The following SIDT1 variants were observed in gnomAD, a reference collection of about 807,000 sequenced individuals.
SIDT1 encodes SID1 transmembrane family member 1, also known as SID1 transmembrane family, member 1.
A neutral mutation model predicts 107.5 loss-of-function variants in SIDT1; 101 were observed. That is an observed-to-expected ratio of 0.94 (90% CI 0.80 to 1.11). The LOEUF is 1.11. Ranked by LOEUF, SIDT1 falls within the 50% of genes least tolerant of loss-of-function variation. The pLI is 0.00. For missense variants in SIDT1, 1,076 were observed against 1,058.2 expected, an observed-to-expected ratio of 1.02 and a Z score of -0.23; for synonymous variants, 395 against 398.2, an observed-to-expected ratio of 0.99 and a Z score of 0.10.
intron 3 of SIDT1, among the ~76,000 whole-genome samples, chr3:113,571,486 G>GCACACACAGACACACACACA: frequency 6.7e-6 from 1 of 148,950 alleles, no homozygotes; most frequent in East Asian, 2.0e-4. Flanking sequence ...CCTATCCTCT[G>GCACACACAGACACACACACA]CACACACACA....
In SIDT1 at chr3:113,601,326, C is replaced by T. The variant is rs182650613; in HGVS notation, c.1046-262C>T. The T allele has an allele frequency of 5.1e-5, 16 of 316,730 alleles. No homozygotes were observed. The East Asian group carries it at 6.7e-4, about 13-fold the overall frequency. 19.6% of individuals were successfully genotyped at this position (316,730 alleles called of 1,614,324 possible). The stretch of plus-strand genomic sequence containing the variant: ...AATTTGAATTTCGTATCATTTTTAC[C>T]TGTCATGAAACATTATTCTTCTTTG... On this transcript the variant is annotated intron_variant, in intron 10 of 24. Coordinates refer to ENST00000264852, the MANE Select transcript of SIDT1 (RefSeq NM_017699.3).
intron 10 of SIDT1, among the ~76,000 whole-genome samples, chr3:113,601,124 C>A (rs1285674030): frequency 6.6e-6 from 1 of 152,128 alleles, no homozygotes; most frequent in African/African-American, 2.4e-5. Context: ...CAAAACCTGG[C>A]TAAAGGTTTT....
chr3:113,590,015 A>G (rs1944028866), intron 9 of SIDT1: 1 of 152,700 alleles, frequency 6.5e-6, no homozygotes, highest in Non-Finnish European at 1.5e-5. Context: ...GCAATTAATA[A>G]AGAAAATCAT....
Position 113,567,645 on chromosome 3 carries a change from A to T in SIDT1, c.450A>T (p.Ala150=), listed in dbSNP as rs149890423. ...PLQQLIFVDV[A]SMAPLGAQYK... ...AGCAACTGATATTTGTAGATGTCGC[A>T]TCCATGGCACCCCTGGGTGCTCAGT... The change falls in exon 3 of 25, where the codon GCA becomes GCT. Residue 150 remains alanine (A), a synonymous_variant. Transcript: ENST00000264852. 1.2e-4 allele frequency: 200 copies of T among 1,614,128 alleles called. 1 individual carries two copies. In the African/African-American group the frequency reaches 2.4e-3, roughly 19 times the overall value.
In SIDT1 at chr3:113,600,361, A is replaced by C. The variant is rs72952626; in HGVS notation, c.1046-1227A>C. ...AAAAAAATAAGTTCTCACCGAGACC[A>C]ATACAATGAAACACTATCCATCCAC... On this transcript the variant is annotated intron_variant, in intron 10 of 24. Transcript: ENST00000264852. Among the ~76,000 whole-genome samples, 1,482 of 152,130 alleles carry C rather than the reference A, an allele frequency of 9.7e-3. 24 individuals are homozygous for C. The highest frequency in any genetic ancestry group is 0.034 in the African/African-American group (1,412 of 41,484).
intron 14 of SIDT1, 54 bp from the exon 15 acceptor site, chr3:113,606,987 G>T (rs1268646045): frequency 1.8e-6 from 2 of 1,115,682 alleles, no homozygotes; most frequent in African/African-American, 1.5e-5. Context: ...TTCCTGCTGG[G>T]GCTCAGAGGA....
chr3:113,577,341 G>A (rs1378172757), intron 4 of SIDT1, among the ~76,000 whole-genome samples: 1 of 152,194 alleles, frequency 6.6e-6, no homozygotes, highest in Non-Finnish European at 1.5e-5. Context: ...TGATAGCTGG[G>A]AAGTGGTAGT....
chr3:113,608,355 G>C, intron 16 of SIDT1, 64 bp from the exon 17 acceptor site: 1 of 1,532,098 alleles, frequency 6.5e-7, no homozygotes, highest in Non-Finnish European at 9.0e-7. Context: ...TGTGCTTCCA[G>C]ATTAGTGACT....
chr3:113,559,828 C>G (rs555766639), intron 1 of SIDT1, among the ~76,000 whole-genome samples: 14 of 152,188 alleles, frequency 9.2e-5, no homozygotes, highest in African/African-American at 3.4e-4. Flanking sequence ...CTTATATATT[C>G]AAGATACTGA....
intron 1 of SIDT1, among the ~76,000 whole-genome samples, chr3:113,554,623 C>A (rs996668123): frequency 2.0e-5 from 3 of 152,178 alleles, no homozygotes; most frequent in Non-Finnish European, 2.9e-5. Flanking sequence ...ACCATAAGTC[C>A]ATTAAACCTC....
chr3:113,619,885 G>A (rs566503626), intron 21 of SIDT1, 159 bp downstream of exon 21: 15 of 657,968 alleles, frequency 2.3e-5, no homozygotes, highest in Middle Eastern at 4.1e-4. Flanking sequence ...GGACATTCTC[G>A]TGTAGCAATT....
chr3:113,554,521 G>A (rs896061362), intron 1 of SIDT1, among the ~76,000 whole-genome samples: 4 of 152,086 alleles, frequency 2.6e-5, no homozygotes, highest in African/African-American at 9.7e-5. Context: ...CAGTTCCCCT[G>A]TACACGCTCT....
chr3:113,624,233 C>A (rs1193477875), intron 23 of SIDT1, among the ~76,000 whole-genome samples: 1 of 152,216 alleles, frequency 6.6e-6, no homozygotes, highest in Non-Finnish European at 1.5e-5. Flanking sequence ...GGAAAGAAAC[C>A]TCATATGCAT....
intron 9 of SIDT1, among the ~76,000 whole-genome samples, 182 bp downstream of exon 9, chr3:113,585,452 C>T (rs1481177005): frequency 6.6e-6 from 1 of 152,058 alleles, no homozygotes; most frequent in African/African-American, 2.4e-5. Context: ...TTTCCTCATC[C>T]ATAAAGTGAG....
At chr3:113,565,061 G>A (rs1576781776) in intron 1 of SIDT1, among the ~76,000 whole-genome samples, 1 of 152,160 alleles carries the variant, frequency 6.6e-6, no homozygotes, top group African/African-American at 2.4e-5. Context: ...GGGCTTAATT[G>A]CAGGATTTTC....
At chr3:113,623,586 G>T in intron 22 of SIDT1, 37 bp from the exon 23 acceptor site, 2 of 1,601,310 alleles carry the variant, frequency 1.2e-6, no homozygotes, top group Non-Finnish European at 1.7e-6. Flanking sequence ...GGCGAAGGCG[G>T]GGTCGCGTGA....
intron 1 of SIDT1, among the ~76,000 whole-genome samples, chr3:113,541,111 AATATAT>A (rs10534213): frequency 0.16 from 23,284 of 148,760 alleles, 2,385 homozygotes; most frequent in African/African-American, 0.3. Context: ...TCTTAGTTCT[AATATAT>A]ATATATATAT....
chr3:113,618,967 G>A (rs1402007548), intron 20 of SIDT1, among the ~76,000 whole-genome samples: 1 of 152,154 alleles, frequency 6.6e-6, no homozygotes, highest in Non-Finnish European at 1.5e-5. Context: ...TAGGACTACA[G>A]TTGTGTGCCA....
intron 1 of SIDT1, among the ~76,000 whole-genome samples, chr3:113,560,663 A>T (rs955041832): frequency 2.0e-5 from 3 of 152,230 alleles, no homozygotes; most frequent in Admixed American, 1.3e-4. Context: ...TTCCAAGATC[A>T]TACGGGAAAA....
Sources: allele counts gnomAD v4.1 joint callset (sites outside exome capture counted in the v4.1 genomes callset), GRCh38; gene constraint gnomAD v4.1.1; transcripts MANE v1.5; gene names NCBI Gene and HGNC (gene_info 2026-07-23, HGNC 2026-07-21).